The following STPG2 variants were observed in gnomAD, a reference collection of about 807,000 sequenced individuals.
The protein encoded by STPG2 is sperm-tail PG-rich repeat-containing protein 2.
Under a neutral mutation model 54.2 loss-of-function variants are expected in STPG2, and 56 were observed. The observed-to-expected ratio is 1.03, with a 90% confidence interval of 0.83 to 1.29. The LOEUF (loss-of-function observed/expected upper bound fraction) is 1.29, where lower values mean the gene tolerates loss of function less well. Ranked by LOEUF, STPG2 falls within the 50% of genes most tolerant of loss-of-function variation. The pLI, the probability that STPG2 is intolerant of heterozygous loss-of-function variation, is 0.00. For missense variants in STPG2, 596 were observed against 544.9 expected (o/e 1.09, Z -0.93); for synonymous variants, 200 against 181.8 (o/e 1.10, Z -0.81).
At chr4:97,510,283 T>C (rs1179054009) in intron 4 of STPG2, among the ~76,000 whole-genome samples, 1 of 152,114 alleles carries the variant, frequency 6.6e-6, no homozygotes, top group Non-Finnish European at 1.5e-5. Flanking sequence ...CTAAATTATA[T>C]ATTGATATGG....
At chr4:97,946,382 G>A (rs1266675399) in intron 7 of STPG2, among the ~76,000 whole-genome samples, 1 of 152,112 alleles carries the variant, frequency 6.6e-6, no homozygotes, top group Admixed American at 6.6e-5. Context: ...TTGCTATACA[G>A]AAGCTCTGTA....
chr4:97,794,931 T>C (rs901564300), intron 9 of STPG2, among the ~76,000 whole-genome samples: 1 of 152,274 alleles, frequency 6.6e-6, no homozygotes, highest in East Asian at 1.9e-4. Context: ...GTTTTGTAAT[T>C]CCTTGACTAA....
chr4:98,091,063 A>C (rs1456831014), intron 5 of STPG2, among the ~76,000 whole-genome samples: 1 of 151,966 alleles, frequency 6.6e-6, no homozygotes, highest in African/African-American at 2.4e-5. Flanking sequence ...TATTCTAAGC[A>C]AAAAATCTAA....
chr4:97,910,903 G>A (rs1046416056), intron 8 of STPG2, among the ~76,000 whole-genome samples: 2 of 152,188 alleles, frequency 1.3e-5, no homozygotes, highest in African/African-American at 4.8e-5. Context: ...GGCTTTCACA[G>A]AGAAGAACAA....
intron 9 of STPG2, among the ~76,000 whole-genome samples, chr4:97,714,256 A>T (rs1441534385): frequency 6.6e-6 from 1 of 152,232 alleles, no homozygotes; most frequent in Non-Finnish European, 1.5e-5. Flanking sequence ...TTAATAGGTT[A>T]GTATGAAACA....
intron 4 of STPG2, among the ~76,000 whole-genome samples, chr4:97,528,177 T>C (rs773404887): frequency 6.6e-6 from 1 of 152,302 alleles, no homozygotes; most frequent in Non-Finnish European, 1.5e-5. Context: ...AATTTTTGTA[T>C]AAGGTGTAAG....
intron 8 of STPG2, among the ~76,000 whole-genome samples, chr4:97,911,817 G>C (rs1560585561): frequency 6.6e-6 from 1 of 152,090 alleles, no homozygotes; most frequent in African/African-American, 2.4e-5. Context: ...CAGCACAGCG[G>C]AGTCACCCCA....
At chr4:97,926,829 C>A (rs1273952277) in intron 8 of STPG2, among the ~76,000 whole-genome samples, 1 of 152,054 alleles carries the variant, frequency 6.6e-6, no homozygotes, top group East Asian at 1.9e-4. Flanking sequence ...AGACCACAGG[C>A]ATGAGACTGA....
At chr4:97,743,312 A>T (rs1725325173) in intron 9 of STPG2, among the ~76,000 whole-genome samples, 1 of 151,722 alleles carries the variant, frequency 6.6e-6, no homozygotes, top group Admixed American at 6.6e-5. Context: ...TAATATTATC[A>T]GAGTAAGCAA....
At chr4:97,741,665 T>A (rs981187171) in intron 9 of STPG2, among the ~76,000 whole-genome samples, 8 of 152,202 alleles carry the variant, frequency 5.3e-5, no homozygotes, top group African/African-American at 1.9e-4. Context: ...CGCAATGTGA[T>A]ACCATCTCAC....
intron 4 of STPG2, among the ~76,000 whole-genome samples, chr4:97,476,756 TA>T (rs1730082349): frequency 6.6e-6 from 1 of 152,222 alleles, no homozygotes; most frequent in Non-Finnish European, 1.5e-5. Context: ...CAGCATCCTT[TA>T]AAATAATTAC....
intron 8 of STPG2, among the ~76,000 whole-genome samples, chr4:97,890,302 A>G (rs1396940156): frequency 6.6e-6 from 1 of 152,074 alleles, no homozygotes; most frequent in Non-Finnish European, 1.5e-5. Flanking sequence ...AAAAACTAAA[A>G]AACAAAATAC....
At chr4:97,873,418 T>C (rs917376625) in intron 8 of STPG2, among the ~76,000 whole-genome samples, 1 of 151,546 alleles carries the variant, frequency 6.6e-6, no homozygotes, top group African/African-American at 2.4e-5. Context: ...AGTTCTTTTT[T>C]ATTTTAGTCT....
At chr4:98,103,595 C>T (rs954389224) in intron 5 of STPG2, among the ~76,000 whole-genome samples, 2 of 151,534 alleles carry the variant, frequency 1.3e-5, no homozygotes, top group Non-Finnish European at 2.9e-5. Flanking sequence ...GAGCCGAGAT[C>T]GTACCATTGC....
At chr4:97,630,818 A>G (rs941274032) in intron 10 of STPG2, among the ~76,000 whole-genome samples, 1 of 151,878 alleles carries the variant, frequency 6.6e-6, no homozygotes, top group Non-Finnish European at 1.5e-5. Flanking sequence ...TTAAAATACA[A>G]CAAAGAATAA....
At position 97,712,763 on chromosome 4, in the gene STPG2, A is replaced by C. The variant is rs777126334; in HGVS notation, c.1256T>G (p.Phe419Cys). Reference sequence around the variant, plus strand: ...TTCAAAGCGCTTTGATGCTTTCACAAATAAGGGTATGGGGCAAGATTTCCT... The same window carrying C: ...TTCAAAGCGCTTTGATGCTTTCACACATAAGGGTATGGGGCAAGATTTCCT... ...VLRKSCPIPL[F>C]VKASKRFEES... The change falls in exon 10 of 11, where the codon TTT (phenylalanine) becomes TGT (cysteine). Residue 419 changes from phenylalanine to cysteine, a missense_variant. Transcript: ENST00000295268. The C allele has an allele frequency of 6.2e-7, 1 of 1,609,450 alleles. No individual in the cohort carries two copies. The highest frequency in any genetic ancestry group is 8.5e-7 in the Non-Finnish European group (1 of 1,177,198).
intron 9 of STPG2, among the ~76,000 whole-genome samples, chr4:97,809,064 A>T (rs1727659289): frequency 6.6e-6 from 1 of 152,140 alleles, no homozygotes; most frequent in Non-Finnish European, 1.5e-5. Flanking sequence ...TGCAGATTAG[A>T]CAACATGATT....
intron 8 of STPG2, among the ~76,000 whole-genome samples, chr4:97,848,361 G>C (rs1729033304): frequency 6.6e-6 from 1 of 152,088 alleles, no homozygotes. Context: ...AAAAGATAAA[G>C]CTGTCCGATG....
At position 97,793,363 on chromosome 4, in the gene STPG2, T is replaced by TA. The variant is rs1553913903; in HGVS notation, c.1204+47409_1204+47410insT. Among the ~76,000 whole-genome samples, 7 of 138,590 alleles carry TA rather than the reference T, an allele frequency of 5.1e-5. No individual in the cohort carries two copies. The East Asian group carries it at 7.2e-4, about 14-fold the overall frequency. The allele number at this position is 138,590 out of a possible 152,430, so 90.9% of individuals were successfully genotyped here. A position where few individuals can be genotyped will look rare whatever the true frequency, so the allele number is the denominator to read the frequency against. On this transcript the variant is annotated intron_variant, in intron 9 of 10. Transcript: ENST00000295268. ...GATTTATATATATAAAATTAGAGTT[T>TA]TATATATACACACACACACACACAC...
Sources: gnomAD v4.1 joint callset for allele counts (sites outside exome capture counted in the v4.1 genomes callset) on GRCh38, gnomAD v4.1.1 for gene constraint, MANE v1.5 for transcripts, NCBI Gene and HGNC (gene_info 2026-07-23, HGNC 2026-07-21) for gene names.